The following FNDC7 variants were observed in gnomAD, a reference collection of about 807,000 sequenced individuals.
FNDC7 encodes the protein fibronectin type III domain containing 7.
A neutral mutation model predicts 74.2 loss-of-function variants in FNDC7; 66 were observed. The observed-to-expected ratio is 0.89, with a 90% CI of 0.73 to 1.09. The LOEUF (loss-of-function observed/expected upper bound fraction) is 1.09, where lower values mean the gene tolerates loss of function less well. Among genes scored for constraint, FNDC7 ranks in the 50% least tolerant of loss-of-function variants. FNDC7 has a pLI of 0.00. For missense variants in FNDC7, 829 were observed against 893.4 expected (o/e 0.93, Z 0.92); for synonymous variants, 307 against 330.2 (o/e 0.93, Z 0.76).
At position 108,728,803 on chromosome 1, in the gene FNDC7, G is replaced by A. The variant is rs1346672786; in HGVS notation, c.1541G>A (p.Cys514Tyr). The A allele has an allele frequency of 6.2e-7, 1 of 1,614,142 alleles. No individual in the cohort carries two copies. The highest frequency in any genetic ancestry group is 8.5e-7 in the Non-Finnish European group (1 of 1,180,050). ...GESCTMRGLP[C>Y]GSVFSVTAVA... Reference sequence around the variant, plus strand: ...TCCTGCACCATGCGGGGCTTGCCCTGTGGCTCAGTGTTCTCTGTCACTGCT... The same window carrying A: ...TCCTGCACCATGCGGGGCTTGCCCTATGGCTCAGTGTTCTCTGTCACTGCT... Residue 514 changes from cysteine to tyrosine, a missense_variant, in exon 8 of 13, where the codon TGT becomes TAT. Transcript: ENST00000370017.
At position 108,742,042 on chromosome 1, in the gene FNDC7, T is replaced by C. The variant is rs909341158; in HGVS notation, c.*155T>C. 20 of 557,592 alleles carry C rather than the reference T, an allele frequency of 3.6e-5. No homozygotes were observed. Among genetic ancestry groups the C allele is most frequent in the Non-Finnish European group, 6.0e-5 (19 of 314,286 alleles). The allele number at this position is 557,592 out of a possible 1,614,324, so 34.5% of individuals were successfully genotyped here. A position where few individuals can be genotyped will look rare whatever the true frequency, so the allele number is the denominator to read the frequency against. On this transcript the variant is annotated 3_prime_UTR_variant, in exon 13 of 13. Transcript: ENST00000370017. ...TTAGAAGAACAACTCTGACTCTGCT[T>C]CCTGAGGGCAAGGTCAGGTGTGTCC...
intron 6 of FNDC7, 111 bp downstream of exon 6, chr1:108,726,115 C>T: frequency 1.5e-6 from 2 of 1,345,254 alleles, no homozygotes; most frequent in Non-Finnish European, 2.0e-6. Context: ...ATTCTAGAGC[C>T]AAGAACAGAA....
At chr1:108,734,833 A>G (rs190182562) in intron 10 of FNDC7, 39 of 152,334 alleles carry the variant, frequency 2.6e-4, no homozygotes, top group African/African-American at 9.4e-4. Flanking sequence ...ATATTTTATA[A>G]TTTATCCAGT....
chr1:108,740,682 C>T (rs74713565), intron 11 of FNDC7, among the ~76,000 whole-genome samples: 2,355 of 152,214 alleles, frequency 0.015, 20 homozygotes, highest in South Asian at 0.035. Flanking sequence ...ATCACTTGCT[C>T]TTAGTCAAGT....
At chr1:108,717,696 T>G (rs1222516548) in intron 2 of FNDC7, 81 bp from the exon 3 acceptor site, 4 of 1,420,628 alleles carry the variant, frequency 2.8e-6, no homozygotes, top group Non-Finnish European at 2.9e-6. Context: ...ATGAGAATGA[T>G]TTAGCTTGAA....
intron 4 of FNDC7, among the ~76,000 whole-genome samples, chr1:108,720,746 T>C (rs1253612655): frequency 3.9e-5 from 6 of 152,178 alleles, no homozygotes; most frequent in Non-Finnish European, 8.8e-5. Flanking sequence ...CCTATATATG[T>C]GTATCTGTGT....
rs755903061 is a variant in FNDC7, at chr1:108,728,618, C to G, written c.1370-14C>G. The G allele has an allele frequency of 3.1e-6, 5 of 1,613,434 alleles. No homozygotes were observed. In the East Asian group the frequency reaches 6.7e-5, roughly 22 times the overall value. On this transcript the variant is annotated splice_polypyrimidine_tract_variant and intron_variant, in intron 7 of 12. Transcript: ENST00000370017. ...GACTCATGCTGGTTCAATTAATACTCTAAAATGTCTTAGCTCCTTGCAGTC... is the reference window on the plus strand; with the variant it reads ...GACTCATGCTGGTTCAATTAATACTGTAAAATGTCTTAGCTCCTTGCAGTC...
chr1:108,740,410 C>T (rs1661617493), intron 11 of FNDC7, among the ~76,000 whole-genome samples: 1 of 149,896 alleles, frequency 6.7e-6, no homozygotes, highest in African/African-American at 2.5e-5. Flanking sequence ...TCACTGCAAC[C>T]TCCACCTCTG....
chr1:108,723,092 A>G (rs1170125342), intron 5 of FNDC7, among the ~76,000 whole-genome samples: 2 of 152,214 alleles, frequency 1.3e-5, no homozygotes, highest in Admixed American at 1.3e-4. Flanking sequence ...TGACTCCTCT[A>G]TTTAGAAATA....
intron 11 of FNDC7, among the ~76,000 whole-genome samples, chr1:108,740,386 G>A (rs535866069): frequency 7.3e-6 from 1 of 137,082 alleles, no homozygotes; most frequent in Admixed American, 8.1e-5. Context: ...GGAGTGCAGT[G>A]GTGCAATCTC....
chr1:108,728,319 G>A (rs571087096), intron 7 of FNDC7, among the ~76,000 whole-genome samples: 5 of 152,240 alleles, frequency 3.3e-5, no homozygotes, highest in South Asian at 2.1e-4. Flanking sequence ...TCAGCCATTC[G>A]GTTCCTCCTA....
chr1:108,734,704 A>G (rs576461488), intron 10 of FNDC7: 1 of 152,266 alleles, frequency 6.6e-6, no homozygotes, highest in African/African-American at 2.4e-5. Context: ...GGTCCACAGG[A>G]CAAGCTGGCC....
chr1:108,719,460 T>A (rs1661046102), intron 4 of FNDC7, among the ~76,000 whole-genome samples: 1 of 152,232 alleles, frequency 6.6e-6, no homozygotes, highest in Non-Finnish European at 1.5e-5. Context: ...GTGCCAACTT[T>A]GAGCTGGCAT....
chr1:108,727,719 G>A (rs1265007472), intron 6 of FNDC7, 89 bp from the exon 7 acceptor site: 1 of 1,506,068 alleles, frequency 6.6e-7, no homozygotes. Context: ...AGTGGCAGAG[G>A]CTCTGGGCAT....
intron 8 of FNDC7, 24 bp from the exon 9 acceptor site, chr1:108,730,650 T>C: frequency 6.7e-7 from 1 of 1,482,738 alleles, no homozygotes; most frequent in African/African-American, 1.4e-5. Context: ...AATCTCCAAT[T>C]CTTTTTCTTT....
Position 108,733,515 on chromosome 1 carries a change from C to A in FNDC7, c.2123C>A (p.Pro708Gln). The A allele has an allele frequency of 6.2e-7, 1 of 1,608,024 alleles. No individual in the cohort carries two copies. The highest frequency in any genetic ancestry group is 8.5e-7 in the Non-Finnish European group (1 of 1,176,768). The change falls in exon 10 of 13, where the codon CCA (proline) becomes CAA (glutamine). Residue 708 changes from proline to glutamine, a missense_variant. Physicochemically the swap from Pro to Gln is moderately conservative, Grantham distance 76. Transcript: ENST00000370017. Reference sequence around the variant, plus strand: ...ACAGGATTGAAGCTTACTTTCTGTCCAAAAAAAATATATTCAGGTAAAGCA... The same window carrying A: ...ACAGGATTGAAGCTTACTTTCTGTCAAAAAAAAATATATTCAGGTAAAGCA... The part of the protein sequence containing the change: ...AKTGLKLTFC[P>Q]KKIYSVTCSG...
intron 4 of FNDC7, among the ~76,000 whole-genome samples, chr1:108,720,458 T>C (rs955102195): frequency 6.6e-6 from 1 of 152,150 alleles, no homozygotes; most frequent in African/African-American, 2.4e-5. Flanking sequence ...TAGAATAACT[T>C]GTTTCTTAAA....
At chr1:108,723,902 G>A (rs924761356) in intron 5 of FNDC7, among the ~76,000 whole-genome samples, 1 of 152,198 alleles carries the variant, frequency 6.6e-6, no homozygotes, top group Non-Finnish European at 1.5e-5. Context: ...TCAGGGTTAA[G>A]TGCCATTGAA....
chr1:108,727,536 TGGGG>T (rs1485306662), intron 6 of FNDC7, among the ~76,000 whole-genome samples: 3 of 151,816 alleles, frequency 2.0e-5, no homozygotes, highest in Non-Finnish European at 4.4e-5. Flanking sequence ...GCACGTGGCG[TGGGG>T]GAATTGAGGA....
Sources: gnomAD v4.1 joint callset for allele counts (sites outside exome capture counted in the v4.1 genomes callset) on GRCh38, gnomAD v4.1.1 for gene constraint, MANE v1.5 for transcripts, NCBI Gene and HGNC (gene_info 2026-07-23, HGNC 2026-07-21) for gene names.